TRERF1: variants seen among roughly 807,000 people sequenced by gnomAD.
TRERF1 encodes the protein transcriptional-regulating factor 1.
Under a neutral mutation model 122.9 loss-of-function variants are expected in TRERF1, and 27 were observed. That is an observed-to-expected ratio of 0.22 (90% confidence interval 0.16 to 0.30). The LOEUF (loss-of-function observed/expected upper bound fraction) is 0.30, where lower values mean the gene tolerates loss of function less well. TRERF1 is among the 10% of genes least tolerant of loss of function. The pLI, the probability that TRERF1 is intolerant of heterozygous loss-of-function variation, is 1.00. For missense variants in TRERF1, 1,248 were observed against 1,560.3 expected (o/e 0.80, Z 3.37); for synonymous variants, 636 against 641.7 (o/e 0.99, Z 0.13).
chr6:42,235,686 A>G (rs1183505803), intron 16 of TRERF1, among the ~76,000 whole-genome samples: 5 of 152,222 alleles, frequency 3.3e-5, no homozygotes, highest in Non-Finnish European at 7.3e-5. Flanking sequence ...AATCTTTGTA[A>G]CAGTGTTCTC....
chr6:42,286,224 G>A (rs1783198552), intron 4 of TRERF1, among the ~76,000 whole-genome samples: 2 of 147,138 alleles, frequency 1.4e-5, no homozygotes, highest in Non-Finnish European at 3.0e-5. Context: ...TGAGGACATA[G>A]GCATGGGCAA....
At chr6:42,308,080 T>C (rs141367408) in intron 3 of TRERF1, among the ~76,000 whole-genome samples, 1 of 152,302 alleles carries the variant, frequency 6.6e-6, no homozygotes, top group East Asian at 1.9e-4. Context: ...CATTTAAACA[T>C]TGCATTACCA....
chr6:42,377,086 A>C (rs1051673866), intron 2 of TRERF1, among the ~76,000 whole-genome samples: 19 of 150,168 alleles, frequency 1.3e-4, no homozygotes, highest in African/African-American at 3.4e-4. Flanking sequence ...GGCTGATCTC[A>C]AACTCCTGAC....
intron 15 of TRERF1, among the ~76,000 whole-genome samples, chr6:42,241,038 G>A (rs192285444): frequency 3.9e-5 from 6 of 152,158 alleles, no homozygotes; most frequent in African/African-American, 9.6e-5. Flanking sequence ...GACTACAGGC[G>A]TGCACTACCA....
Position 42,410,696 on chromosome 6 carries a change from A to G in TRERF1, c.-454+40481T>C, listed in dbSNP as rs73733190. On this transcript the variant is annotated intron_variant, in intron 2 of 17. Coordinates refer to ENST00000372922, the Ensembl canonical transcript of TRERF1. ...ACTGTAATGCAATCAATCAATGGCC[A>G]TGTGTCTGATTCCCCTCAGGACTCA... 4.6e-3 allele frequency among the ~76,000 whole-genome samples: 695 copies of G among 152,266 alleles called. 6 individuals carry two copies. Among genetic ancestry groups the G allele is most frequent in the African/African-American group, 0.016 (671 of 41,546 alleles).
At chr6:42,274,990 T>C (rs1184887224) in intron 4 of TRERF1, among the ~76,000 whole-genome samples, 1 of 152,320 alleles carries the variant, frequency 6.6e-6, no homozygotes, top group East Asian at 1.9e-4. Context: ...GTACCCCTTC[T>C]GGGACAGTCA....
intron 2 of TRERF1, among the ~76,000 whole-genome samples, chr6:42,444,616 A>G (rs1278637246): frequency 6.6e-6 from 1 of 152,044 alleles, no homozygotes; most frequent in African/African-American, 2.4e-5. Context: ...AAGTTCCTGA[A>G]GTATCCCCCA....
intron 3 of TRERF1, among the ~76,000 whole-genome samples, chr6:42,324,238 T>C (rs1177615466): frequency 6.6e-6 from 1 of 152,150 alleles, no homozygotes; most frequent in East Asian, 1.9e-4. Context: ...AAAACATTGC[T>C]GAACAAAATT....
chr6:42,226,576 C>T (rs1302302618), exon 18 of TRERF1: 7 of 152,276 alleles, frequency 4.6e-5, no homozygotes, highest in Non-Finnish European at 7.4e-5. Context: ...TGTAGGAAAA[C>T]GCCAAGACCT....
chr6:42,386,985 T>TCACCAATGGTGACAC (rs1776918677), intron 2 of TRERF1, among the ~76,000 whole-genome samples: 1 of 152,138 alleles, frequency 6.6e-6, no homozygotes, highest in African/African-American at 2.4e-5. Flanking sequence ...ATCACCACCA[T>TCACCAATGGTGACAC]CACCAATTAT....
intron 3 of TRERF1, among the ~76,000 whole-genome samples, chr6:42,351,090 C>T (rs1240244589): frequency 6.6e-5 from 10 of 152,082 alleles, no homozygotes; most frequent in East Asian, 5.8e-4. Context: ...TGAAACAACA[C>T]GATACTATTT....
At chr6:42,353,739 A>G (rs1322178163) in intron 3 of TRERF1, among the ~76,000 whole-genome samples, 1 of 152,250 alleles carries the variant, frequency 6.6e-6, no homozygotes, top group Admixed American at 6.5e-5. Flanking sequence ...ATCTAAATGA[A>G]CAAAGCATAA....
At chr6:42,325,301 T>C (rs1764102819) in intron 3 of TRERF1, among the ~76,000 whole-genome samples, 1 of 152,206 alleles carries the variant, frequency 6.6e-6, no homozygotes, top group Admixed American at 6.5e-5. Flanking sequence ...TTATATACTG[T>C]TGATGGGAGT....
intron 3 of TRERF1, among the ~76,000 whole-genome samples, chr6:42,319,866 ATATAT>A (rs1490598656): frequency 1.3e-5 from 2 of 150,018 alleles, no homozygotes; most frequent in Admixed American, 1.3e-4. Context: ...ATATAATGCT[ATATAT>A]TATATTAAAT....
At chr6:42,392,063 C>A (rs1359059693) in intron 2 of TRERF1, among the ~76,000 whole-genome samples, 4 of 151,972 alleles carry the variant, frequency 2.6e-5, no homozygotes, top group Admixed American at 2.6e-4. Flanking sequence ...TCTTCGCAGA[C>A]CTCATCGACA....
exon 18 of TRERF1, chr6:42,226,497 T>G (rs4424082): frequency 1.3e-5 from 2 of 152,062 alleles, no homozygotes; most frequent in Non-Finnish European, 2.9e-5. Flanking sequence ...ACTGCTTGGA[T>G]AAAACAGGAT....
At chr6:42,350,902 A>G (rs946460424) in intron 3 of TRERF1, among the ~76,000 whole-genome samples, 1 of 152,182 alleles carries the variant, frequency 6.6e-6, no homozygotes, top group Non-Finnish European at 1.5e-5. Flanking sequence ...TCCCTTGTAC[A>G]TGATTTTTCA....
rs1460902660 is a variant in TRERF1, at chr6:42,427,658, T to TC, written c.-454+23518dup. Among the ~76,000 whole-genome samples, 13 of 151,554 alleles carry TC rather than the reference T, an allele frequency of 8.6e-5. No homozygotes were observed. In the East Asian group the frequency reaches 2.1e-3, roughly 25 times the overall value. On this transcript the variant is annotated intron_variant, in intron 2 of 17. Coordinates refer to ENST00000372922, the Ensembl canonical transcript of TRERF1. ...TCCACCTGCCAGGCTCAAGCAATCC[T>TC]CCCACCTCAGCCTCCCGAGTAGCTG...
chr6:42,227,941 G>A (rs1204405611), exon 18 of TRERF1: 1 of 157,936 alleles, frequency 6.3e-6, no homozygotes, highest in Non-Finnish European at 1.4e-5. Flanking sequence ...GGGAAAAGTT[G>A]GCCCCAAGAC....
Sources: gnomAD v4.1 joint callset for allele counts (sites outside exome capture counted in the v4.1 genomes callset) on GRCh38, gnomAD v4.1.1 for gene constraint, MANE v1.5 for transcripts, NCBI Gene and HGNC (gene_info 2026-07-23, HGNC 2026-07-21) for gene names.